PCDHGB3: variants seen among roughly 807,000 people sequenced by gnomAD.
The protein encoded by PCDHGB3 is protocadherin gamma-B3.
PCDHGB3 carries 40 observed loss-of-function variants against 59.2 expected under a neutral mutation model. The ratio of observed to expected loss-of-function variants is 0.68; its 90% CI spans 0.52 to 0.88. The LOEUF (loss-of-function observed/expected upper bound fraction) is 0.88, where lower values mean the gene tolerates loss of function less well. PCDHGB3 is among the 40% of genes least tolerant of loss of function. The pLI, the probability that PCDHGB3 is intolerant of heterozygous loss-of-function variation, is 0.00. For missense variants in PCDHGB3, 1,309 were observed against 1,187.9 expected (o/e 1.10, Z -1.50); for synonymous variants, 581 against 503.6 (o/e 1.15, Z -2.06).
In PCDHGB3 at chr5:141,404,936, G is replaced by A. The variant is rs755365273; in HGVS notation, c.2415+32127G>A. ...TCTCTCGGCCACTGTCACGCTCACA[G>A]TAGCCATAGCTGACAGCATCCCAGA... is the stretch of plus-strand genomic sequence containing the variant. On this transcript the variant is annotated intron_variant, in intron 1 of 3. Coordinates refer to ENST00000576222, the MANE Select transcript of PCDHGB3 (RefSeq NM_018924.5). 1.9e-6 allele frequency: 3 copies of A among 1,613,858 alleles called. No individual in the cohort carries two copies. The South Asian group carries it at 3.3e-5, about 18-fold the overall frequency.
chr5:141,414,850 C>T, intron 1 of PCDHGB3: 1 of 1,614,212 alleles, frequency 6.2e-7, no homozygotes, highest in Non-Finnish European at 8.5e-7. Flanking sequence ...TGTGCTGGAC[C>T]AGAACGACAA....
At chr5:141,403,075 G>A (rs1188549930) in intron 1 of PCDHGB3, 5 of 1,613,968 alleles carry the variant, frequency 3.1e-6, no homozygotes, top group Non-Finnish European at 4.2e-6. Flanking sequence ...AGACAGAAAA[G>A]GGCTATATTG....
chr5:141,390,276 C>G (rs1475873829), intron 1 of PCDHGB3: 5 of 1,613,990 alleles, frequency 3.1e-6, no homozygotes, highest in Non-Finnish European at 4.2e-6. Context: ...ATTGACTTCC[C>G]ATCAGGTGAG....
rs559633972 is a variant in PCDHGB3, at chr5:141,372,324, G to T, written c.1930G>T (p.Val644Phe). 3 of 1,613,586 alleles carry T rather than the reference G, an allele frequency of 1.9e-6. No individual in the cohort carries two copies. The highest frequency in any genetic ancestry group is 1.3e-5 in the African/African-American group (1 of 74,954). ...GGAGGCCGCCCGCCAGCGCCTGCTG[G>T]TCACTGTGCGTGATGGAGGACAGCA... ...DREAARQRLL[V>F]TVRDGGQQPL... Residue 644 changes from valine to phenylalanine, a missense_variant, in exon 1 of 4, where the codon GTC (valine) becomes TTC (phenylalanine). Val to Phe is a conservative substitution (Grantham distance 50). Transcript: ENST00000576222.
chr5:141,390,591 T>G, intron 1 of PCDHGB3: 1 of 333,500 alleles, frequency 3.0e-6, no homozygotes, highest in Non-Finnish European at 5.4e-6. Flanking sequence ...TGAATGAGAT[T>G]TTTCCTATAC....
intron 1 of PCDHGB3, among the ~76,000 whole-genome samples, chr5:141,471,145 G>T (rs569617031): frequency 3.4e-4 from 50 of 148,740 alleles, no homozygotes; most frequent in Non-Finnish European, 5.4e-4. Flanking sequence ...TGCCTCCTGG[G>T]TTCAAGTGAT....
chr5:141,416,585 A>T (rs2096043494), intron 1 of PCDHGB3: 2 of 152,244 alleles, frequency 1.3e-5, no homozygotes, highest in Non-Finnish European at 2.9e-5. Context: ...GAGGCAAAAT[A>T]AACTTAGAGT....
intron 1 of PCDHGB3, among the ~76,000 whole-genome samples, chr5:141,469,522 C>T (rs1409427974): frequency 2.6e-5 from 4 of 152,088 alleles, no homozygotes; most frequent in African/African-American, 9.7e-5. Flanking sequence ...TTGCAGTGAG[C>T]CAAGATTGTG....
chr5:141,474,369 G>C (rs1424130168), intron 1 of PCDHGB3, among the ~76,000 whole-genome samples: 1 of 152,184 alleles, frequency 6.6e-6, no homozygotes, highest in Non-Finnish European at 1.5e-5. Flanking sequence ...AGTAGGTCTA[G>C]AGGAGGGCAT....
chr5:141,389,265 G>C (rs1452714844), intron 1 of PCDHGB3: 1 of 1,614,004 alleles, frequency 6.2e-7, no homozygotes, highest in East Asian at 2.2e-5. Flanking sequence ...CCACGTGGCC[G>C]AGAACAACCC....
chr5:141,403,577 C>A (rs1188693688), intron 1 of PCDHGB3: 5 of 1,613,812 alleles, frequency 3.1e-6, no homozygotes, highest in Non-Finnish European at 3.4e-6. Context: ...AACTGCCCAC[C>A]ACCTGGTCCT....
rs2096260633 is a variant in PCDHGB3 at position 141,418,459 on chromosome 5, G to C, written c.2415+45650G>C. 2.5e-6 allele frequency: 4 copies of C among 1,613,992 alleles called. No homozygotes were observed. In the East Asian group the frequency reaches 6.7e-5, roughly 27 times the overall value. ...CAGAATTAGTATTGCAGAAGACTCT[G>C]GACCGAGAAACGCAGAGCGCTCACC... On this transcript the variant is annotated intron_variant, in intron 1 of 3. Transcript: ENST00000576222.
rs750310317 is a variant in PCDHGB3 at position 141,385,220 on chromosome 5, A to G, written c.2415+12411A>G. 8 of 1,614,172 alleles carry G rather than the reference A, an allele frequency of 5.0e-6. No homozygotes were observed. The South Asian group carries it at 7.7e-5, about 16-fold the overall frequency. ...AGTCACCTGATCTTCCCCCAGCCCA[A>G]CTATGTAGACATGCTCATCAGCCAG... On this transcript the variant is annotated intron_variant, in intron 1 of 3. Transcript: ENST00000576222.
At chr5:141,419,702 G>T (rs116279995) in intron 1 of PCDHGB3, 2 of 1,612,834 alleles carry the variant, frequency 1.2e-6, no homozygotes, top group East Asian at 4.5e-5. Context: ...CAGTGAGCCC[G>T]GGCTCTTCAG....
chr5:141,411,285 A>C (rs2095477948), intron 1 of PCDHGB3: 1 of 152,218 alleles, frequency 6.6e-6, no homozygotes, highest in South Asian at 2.1e-4. Flanking sequence ...AAAAATATTC[A>C]GAAGACAGGC....
At position 141,372,682 on chromosome 5, in the gene PCDHGB3, C is replaced by A. The variant is rs1169357229; in HGVS notation, c.2288C>A (p.Thr763Asn). ...NPCAASHSSNTEFKFLNIKAE... is the reference protein window; with the variant it reads ...NPCAASHSSNNEFKFLNIKAE... ...TGTGCTGCCTCACATTCCTCAAACA[C>A]CGAGTTTAAATTTCTCAATATAAAG... is the stretch of plus-strand genomic sequence containing the variant. Residue 763 changes from threonine (T) to asparagine (N), a missense_variant, in exon 1 of 4, where the codon ACC becomes AAC. Transcript: ENST00000576222. 3 of 1,614,010 alleles carry A rather than the reference C, an allele frequency of 1.9e-6. No individual in the cohort carries two copies. The highest frequency in any genetic ancestry group is 2.5e-6 in the Non-Finnish European group (3 of 1,179,884).
chr5:141,483,213 C>T (rs1343903817), intron 1 of PCDHGB3, among the ~76,000 whole-genome samples: 1 of 152,142 alleles, frequency 6.6e-6, no homozygotes, highest in Non-Finnish European at 1.5e-5. Flanking sequence ...ATATAGATGA[C>T]AGTCACTGCA....
intron 1 of PCDHGB3, among the ~76,000 whole-genome samples, chr5:141,433,408 A>ATCTATCTATCTATCT (rs1413347413): frequency 7.9e-6 from 1 of 127,280 alleles, no homozygotes; most frequent in African/African-American, 2.9e-5. Flanking sequence ...TCTATCTATT[A>ATCTATCTATCTATCT]CTTTCTTGTA....
chr5:141,495,642 C>T (rs1294293252), intron 2 of PCDHGB3, among the ~76,000 whole-genome samples: 1 of 152,208 alleles, frequency 6.6e-6, no homozygotes. Flanking sequence ...TTTCATTTGT[C>T]TACTTGCATT....
Sources: allele counts gnomAD v4.1 joint callset (sites outside exome capture counted in the v4.1 genomes callset), GRCh38; gene constraint gnomAD v4.1.1; transcripts MANE v1.5; gene names NCBI Gene and HGNC (gene_info 2026-07-23, HGNC 2026-07-21).